The following COL23A1 variants were observed in gnomAD, a reference collection of about 807,000 sequenced individuals.
The protein encoded by COL23A1 is collagen alpha-1(XXIII) chain.
In COL23A1, 97 loss-of-function variants were observed where a neutral mutation model predicts 99.3. The ratio of observed to expected loss-of-function variants is 0.98; its 90% CI spans 0.83 to 1.16. The LOEUF (loss-of-function observed/expected upper bound fraction) is 1.16, where lower values mean the gene tolerates loss of function less well. Among genes scored for constraint, COL23A1 ranks in the 50% most tolerant of loss-of-function variants. COL23A1 has a pLI of 0.00. For missense variants in COL23A1, 762 were observed against 757.4 expected, an observed-to-expected ratio of 1.01 and a Z score of -0.07; for synonymous variants, 320 against 308.2, an observed-to-expected ratio of 1.04 and a Z score of -0.40.
intron 2 of COL23A1, among the ~76,000 whole-genome samples, chr5:178,396,856 G>A (rs1407059066): frequency 3.3e-5 from 5 of 151,972 alleles, no homozygotes; most frequent in African/African-American, 4.8e-5. Context: ...TCTCCCCGGC[G>A]GGCAGGCGCT....
At chr5:178,475,421 G>A (rs1756975674) in intron 2 of COL23A1, among the ~76,000 whole-genome samples, 1 of 152,100 alleles carries the variant, frequency 6.6e-6, no homozygotes, top group Non-Finnish European at 1.5e-5. Flanking sequence ...TGGTGAAGGG[G>A]GTACAGGCAG....
intron 2 of COL23A1, among the ~76,000 whole-genome samples, chr5:178,321,752 G>A (rs1759327956): frequency 6.6e-6 from 1 of 151,522 alleles, no homozygotes; most frequent in African/African-American, 2.4e-5. Flanking sequence ...GCCTCCCAAA[G>A]TGCTGGGATT....
intron 2 of COL23A1, among the ~76,000 whole-genome samples, chr5:178,528,230 A>T (rs1300952395): frequency 6.6e-6 from 1 of 152,148 alleles, no homozygotes; most frequent in East Asian, 1.9e-4. Context: ...AGCCCTCATT[A>T]AAGCTCTTCC....
At position 178,298,507 on chromosome 5, in the gene COL23A1, G is replaced by C. The variant is rs140189081; in HGVS notation, c.407-8138C>G. Among the ~76,000 whole-genome samples the C allele has an allele frequency of 1.0e-3, 153 of 152,324 alleles. 2 individuals carry two copies. The South Asian group carries it at 0.021, about 21-fold the overall frequency. On this transcript the variant is annotated intron_variant, in intron 3 of 28. Coordinates refer to ENST00000390654, the MANE Select transcript of COL23A1 (RefSeq NM_173465.4). The stretch of plus-strand genomic sequence containing the variant: ...GCCTACACACCAGGAGGTGAGGGCT[G>C]GCTTCAGTGGCCTGAGGCTGCCAGG...
At chr5:178,335,075 G>A (rs921028598) in intron 2 of COL23A1, among the ~76,000 whole-genome samples, 10 of 152,362 alleles carry the variant, frequency 6.6e-5, no homozygotes, top group African/African-American at 2.4e-4. Flanking sequence ...TAAGTGGGAA[G>A]TCTCAGAGCG....
intron 2 of COL23A1, among the ~76,000 whole-genome samples, chr5:178,462,603 T>C (rs1275628365): frequency 2.0e-5 from 3 of 152,162 alleles, no homozygotes; most frequent in Non-Finnish European, 1.5e-5. Flanking sequence ...CCTCCATCCA[T>C]AACAGCTGAT....
Position 178,310,995 on chromosome 5 carries a change from G to A in COL23A1, c.362-4076C>T, listed in dbSNP as rs879830828. ...AAGGGATAGGACAGGTCTTGCCCAC[G>A]GATGCTGCTGGAAAACTTGTCCCAG... On this transcript the variant is annotated intron_variant, in intron 2 of 28. Coordinates refer to ENST00000390654, the MANE Select transcript of COL23A1 (RefSeq NM_173465.4). The surrounding 1 kb of genome is among the most constrained non-coding windows in gnomAD (Gnocchi z 4.3). Among the ~76,000 whole-genome samples the A allele has an allele frequency of 2.0e-5, 3 of 152,110 alleles. No individual in the cohort carries two copies. The highest frequency in any genetic ancestry group is 2.1e-4 in the South Asian group (1 of 4,828).
chr5:178,502,900 C>T (rs1277856552), intron 2 of COL23A1, among the ~76,000 whole-genome samples: 1 of 152,200 alleles, frequency 6.6e-6, no homozygotes, highest in African/African-American at 2.4e-5. Context: ...GCACACGCTG[C>T]ACGCAGTGTG....
rs1384697536 is a variant in COL23A1 at position 178,589,924 on chromosome 5, G to T, written c.274C>A (p.Leu92Met). 3.3e-5 allele frequency: 43 copies of T among 1,320,460 alleles called. No homozygotes were observed. Among genetic ancestry groups the T allele is most frequent in the Non-Finnish European group, 4.1e-5 (43 of 1,041,382 alleles). The allele number at this position is 1,320,460 out of a possible 1,614,324, so 81.8% of individuals were successfully genotyped here. A position where few individuals can be genotyped will look rare whatever the true frequency, so the allele number is the denominator to read the frequency against. Residue 92 changes from leucine to methionine, a missense_variant, in exon 1 of 29, where the codon CTG (leucine) becomes ATG (methionine). Leu to Met is a conservative substitution (Grantham distance 15, BLOSUM62 2). Transcript: ENST00000390654. The surrounding 1 kb of genome is among the most constrained non-coding windows in gnomAD (Gnocchi z 5.4). ...GALDAWAEPH[L>M]ERLLREKLDG... ...CTCACCTCCCGCAGCAGGCGCTCCA[G>T]GTGCGGCTCGGCCCAGGCGTCCAGG...
At chr5:178,368,411 C>CGTCT (rs1762610406) in intron 2 of COL23A1, among the ~76,000 whole-genome samples, 1 of 152,190 alleles carries the variant, frequency 6.6e-6, no homozygotes, top group African/African-American at 2.4e-5. Context: ...CCAGAGGGTA[C>CGTCT]GTCTGTCGGC....
chr5:178,408,105 T>C (rs1258774959), intron 2 of COL23A1, among the ~76,000 whole-genome samples: 1 of 152,188 alleles, frequency 6.6e-6, no homozygotes, highest in African/African-American at 2.4e-5. Flanking sequence ...CCTCACTTAC[T>C]GGAGAAAAGC....
intron 2 of COL23A1, among the ~76,000 whole-genome samples, chr5:178,335,643 C>G (rs1760274148): frequency 6.6e-6 from 1 of 152,226 alleles, no homozygotes. Flanking sequence ...GTTTCAGTAT[C>G]TCCCTATGAA....
At chr5:178,329,517 A>G (rs1759884455) in intron 2 of COL23A1, among the ~76,000 whole-genome samples, 2 of 151,692 alleles carry the variant, frequency 1.3e-5, no homozygotes, top group African/African-American at 4.8e-5. Context: ...TTTCTCAGCC[A>G]GAAGTAGGGC....
At chr5:178,343,709 C>G (rs1760802967) in intron 2 of COL23A1, among the ~76,000 whole-genome samples, 1 of 150,626 alleles carries the variant, frequency 6.6e-6, no homozygotes, top group Non-Finnish European at 1.5e-5. Flanking sequence ...GTCGCCCAGG[C>G]TGGAGCGCAG....
chr5:178,242,762 A>G (rs1764476060), intron 25 of COL23A1, among the ~76,000 whole-genome samples: 1 of 152,210 alleles, frequency 6.6e-6, no homozygotes, highest in Non-Finnish European at 1.5e-5. Context: ...GGGATGAGAA[A>G]TGGTGATCTC....
chr5:178,294,907 C>T (rs1204116532), intron 3 of COL23A1, among the ~76,000 whole-genome samples: 4 of 152,134 alleles, frequency 2.6e-5, no homozygotes, highest in South Asian at 2.1e-4. Context: ...TTTGGGAGGC[C>T]GAGGCAGGCG....
chr5:178,561,125 G>T (rs561627876), intron 1 of COL23A1, among the ~76,000 whole-genome samples: 2 of 152,322 alleles, frequency 1.3e-5, no homozygotes, highest in Admixed American at 1.3e-4. Flanking sequence ...GCAGATCAAA[G>T]TTAATGCTCC....
chr5:178,374,945 A>G (rs10077557), intron 2 of COL23A1, among the ~76,000 whole-genome samples: 3,063 of 152,280 alleles, frequency 0.02, 98 homozygotes, highest in African/African-American at 0.067. Context: ...AGAAATGAAA[A>G]CATATATCCA....
chr5:178,337,536 CG>C (rs1760409511), intron 2 of COL23A1, among the ~76,000 whole-genome samples: 1 of 152,142 alleles, frequency 6.6e-6, no homozygotes, highest in African/African-American at 2.4e-5. Context: ...GACAGAGAGA[CG>C]GAGTGGGGTG....
Sources: allele counts gnomAD v4.1 joint callset (sites outside exome capture counted in the v4.1 genomes callset), GRCh38; gene constraint gnomAD v4.1.1; non-coding constraint Gnocchi (gnomAD v3.1); transcripts MANE v1.5; gene names NCBI Gene and HGNC (gene_info 2026-07-23, HGNC 2026-07-21).